TRHDE: variants seen among roughly 807,000 people sequenced by gnomAD.
The protein encoded by TRHDE is thyrotropin-releasing hormone-degrading ectoenzyme.
Under a neutral mutation model 125.7 loss-of-function variants are expected in TRHDE, and 72 were observed. The ratio of observed to expected loss-of-function variants is 0.57; its 90% confidence interval spans 0.47 to 0.70. TRHDE has a LOEUF of 0.70. Ranked by LOEUF, TRHDE falls within the 30% of genes least tolerant of loss-of-function variation. The pLI is 0.00. For missense variants in TRHDE, 1,110 were observed against 1,327.1 expected (o/e 0.84, Z 2.54); for synonymous variants, 509 against 509.1 (o/e 1.00, Z 0.00).
chr12:72,095,051 C>T (rs995368504), intron 1 of TRHDE, among the ~76,000 whole-genome samples: 1 of 152,202 alleles, frequency 6.6e-6, no homozygotes, highest in Non-Finnish European at 1.5e-5. Context: ...GCAGAAATTT[C>T]TCAAGAACAT....
intron 2 of TRHDE, among the ~76,000 whole-genome samples, chr12:72,328,072 G>A (rs1869421528): frequency 6.6e-6 from 1 of 152,150 alleles, no homozygotes; most frequent in African/African-American, 2.4e-5. Context: ...AAGAAACCTG[G>A]CTTGCTAGGT....
chr12:72,318,699 G>T (rs1363058449), intron 2 of TRHDE, among the ~76,000 whole-genome samples: 1 of 149,228 alleles, frequency 6.7e-6, no homozygotes, highest in East Asian at 2.1e-4. Flanking sequence ...TCCCAGCTGA[G>T]TGATCTGTCA....
At chr12:72,129,136 G>A (rs1875793486) in intron 2 of TRHDE, among the ~76,000 whole-genome samples, 1 of 152,050 alleles carries the variant, frequency 6.6e-6, no homozygotes, top group Non-Finnish European at 1.5e-5. Flanking sequence ...AAAGAAAAAA[G>A]TCCACTTGGA....
At chr12:72,234,672 G>A (rs759809915) in intron 2 of TRHDE, among the ~76,000 whole-genome samples, 2 of 152,092 alleles carry the variant, frequency 1.3e-5, no homozygotes, top group Non-Finnish European at 2.9e-5. Flanking sequence ...GAAGAGATTT[G>A]GAGTAGTAGA....
chr12:72,551,834 T>C (rs1247683707), intron 7 of TRHDE, among the ~76,000 whole-genome samples: 1 of 152,026 alleles, frequency 6.6e-6, no homozygotes, highest in Non-Finnish European at 1.5e-5. Flanking sequence ...GAAAGCATAG[T>C]GAGTGGGTGG....
At chr12:72,184,552 A>C (rs1490831542) in intron 2 of TRHDE, among the ~76,000 whole-genome samples, 1 of 152,110 alleles carries the variant, frequency 6.6e-6, no homozygotes, top group African/African-American at 2.4e-5. Flanking sequence ...GAAAGGAAGA[A>C]CCTTCCTTTA....
chr12:72,430,313 ATATACATG>A (rs1465241767), intron 3 of TRHDE, among the ~76,000 whole-genome samples: 300 of 144,326 alleles, frequency 2.1e-3, no homozygotes, highest in African/African-American at 3.9e-3. Flanking sequence ...ATATATGTAT[ATATACATG>A]TATACATATA....
Position 72,272,837 on chromosome 12 carries a change from C to A in TRHDE, c.194C>A (p.Ala65Glu). The change falls in exon 1 of 19, where the codon GCA becomes GAA. Residue 65 changes from alanine (A) to glutamate (E), a missense_variant. By Grantham distance (107) the Ala-to-Glu change is moderately radical (BLOSUM62 -1). Around this residue, in one of 5 missense-constraint regions of TRHDE, gnomAD observed 248 missense variants for 240.8 expected, o/e 1.03. Transcript: ENST00000261180. The surrounding 1 kb of genome is among the most constrained non-coding windows in gnomAD (Gnocchi z 6.7). Reference sequence around the variant, plus strand: ...AGCAGGGGGCTCTCCGACCCGTGGGCAGACTCAGTGGGAGTGCGACCCCGC... The same window carrying A: ...AGCAGGGGGCTCTCCGACCCGTGGGAAGACTCAGTGGGAGTGCGACCCCGC... ...AGSRGLSDPW[A>E]DSVGVRPRTT... 6.3e-7 allele frequency: 1 copy of A among 1,581,174 alleles called. No individual in the cohort carries two copies.
chr12:72,355,290 A>C (rs1271823038), intron 2 of TRHDE, among the ~76,000 whole-genome samples: 2 of 151,528 alleles, frequency 1.3e-5, no homozygotes, highest in Non-Finnish European at 3.0e-5. Flanking sequence ...GGGTTTATGG[A>C]GAGTTGTAGT....
rs1875127171 is a variant in TRHDE at position 72,666,749 on chromosome 12, TTTG to T, written c.*3557_*3559del. The stretch of plus-strand genomic sequence containing the variant: ...AAATATATTTGCAATAATTCCATTG[TTTG>T]TTAACTTTTGCATTTCTAATTTGCA... On this transcript the variant is annotated 3_prime_UTR_variant, in exon 19 of 19. Transcript: ENST00000261180. 1 of 152,122 alleles carries T rather than the reference TTTG, an allele frequency of 6.6e-6. No individual in the cohort carries two copies. The highest frequency in any genetic ancestry group is 2.4e-5 in the African/African-American group (1 of 41,454). 9.4% of individuals were successfully genotyped at this position (152,122 alleles called of 1,614,324 possible).
chr12:72,172,847 A>G (rs1876902689), intron 2 of TRHDE, among the ~76,000 whole-genome samples: 1 of 152,228 alleles, frequency 6.6e-6, no homozygotes, highest in Admixed American at 6.5e-5. Flanking sequence ...GCTTATTACC[A>G]GAACCTGTTT....
chr12:72,403,259 A>C (rs1873123804), intron 3 of TRHDE, among the ~76,000 whole-genome samples: 1 of 152,212 alleles, frequency 6.6e-6, no homozygotes, highest in African/African-American at 2.4e-5. Flanking sequence ...TCTTCCTTGA[A>C]TAAATCATTG....
chr12:72,264,905 G>GT (rs35818955), intron 2 of TRHDE, among the ~76,000 whole-genome samples: 30,089 of 144,746 alleles, frequency 0.21, 3,282 homozygotes, highest in Middle Eastern at 0.36. Flanking sequence ...TAGGTTCATT[G>GT]TTTTTTTTTT....
chr12:72,537,337 C>T (rs1592521190), intron 6 of TRHDE, among the ~76,000 whole-genome samples: 1 of 151,942 alleles, frequency 6.6e-6, no homozygotes, highest in Non-Finnish European at 1.5e-5. Context: ...GTAATCCCCA[C>T]ATGTCAAGGA....
intron 2 of TRHDE, among the ~76,000 whole-genome samples, chr12:72,177,628 T>A (rs1025020859): frequency 3.3e-5 from 5 of 151,960 alleles, no homozygotes; most frequent in Admixed American, 2.6e-4. Flanking sequence ...CAAAACTAGG[T>A]TTATAGAATG....
At chr12:72,340,913 G>T (rs1870054826) in intron 2 of TRHDE, among the ~76,000 whole-genome samples, 1 of 152,094 alleles carries the variant, frequency 6.6e-6, no homozygotes, top group African/African-American at 2.4e-5. Flanking sequence ...TGCCACAGAA[G>T]CTATCACCTC....
chr12:72,597,387 G>T (rs1178302627), intron 12 of TRHDE, among the ~76,000 whole-genome samples: 6 of 151,914 alleles, frequency 3.9e-5, no homozygotes, highest in Non-Finnish European at 7.4e-5. Flanking sequence ...TAAGAGAGGG[G>T]CCAGGCATGG....
chr12:72,312,828 C>A (rs1478078804), intron 2 of TRHDE, among the ~76,000 whole-genome samples: 1 of 152,102 alleles, frequency 6.6e-6, no homozygotes, highest in East Asian at 1.9e-4. Context: ...AAGTAGTGAC[C>A]TATACCTCCA....
intron 2 of TRHDE, among the ~76,000 whole-genome samples, chr12:72,177,179 A>G (rs1039519251): frequency 2.6e-5 from 4 of 152,124 alleles, no homozygotes; most frequent in African/African-American, 7.2e-5. Context: ...TGGAATTTGG[A>G]AGGCAGCATT....
Sources: allele counts gnomAD v4.1 joint callset (sites outside exome capture counted in the v4.1 genomes callset), GRCh38; gene constraint gnomAD v4.1.1; regional missense constraint gnomAD v4.1.1; non-coding constraint Gnocchi (gnomAD v3.1); transcripts MANE v1.5; gene names NCBI Gene and HGNC (gene_info 2026-07-23, HGNC 2026-07-21).